The following PIP4K2A variants were observed in gnomAD, a reference collection of about 807,000 sequenced individuals.
The protein encoded by PIP4K2A is phosphatidylinositol-5-phosphate 4-kinase type 2 alpha, also known as phosphatidylinositol 5-phosphate 4-kinase type-2 alpha.
PIP4K2A carries 14 observed loss-of-function variants against 42.9 expected under a neutral mutation model. The observed-to-expected ratio is 0.33, with a 90% CI of 0.22 to 0.51. PIP4K2A has a LOEUF of 0.51. Ranked by LOEUF, PIP4K2A falls within the 20% of genes least tolerant of loss-of-function variation. The pLI, the probability that PIP4K2A is intolerant of heterozygous loss-of-function variation, is 0.97. For missense variants in PIP4K2A, 434 were observed against 519.8 expected (o/e 0.83, Z 1.61); for synonymous variants, 192 against 192.2 (o/e 1.00, Z 0.01).
intron 3 of PIP4K2A, among the ~76,000 whole-genome samples, chr10:22,605,200 T>C (rs1240855434): frequency 7.2e-6 from 1 of 139,844 alleles, no homozygotes; most frequent in Non-Finnish European, 1.5e-5. Context: ...TTTCTTTTTT[T>C]TCTTTTTTTA....
chr10:22,664,132 T>TATAC (rs1564460054), intron 1 of PIP4K2A, among the ~76,000 whole-genome samples: 15 of 54,474 alleles, frequency 2.8e-4, no homozygotes, highest in Non-Finnish European at 5.9e-5. Context: ...TATATATACA[T>TATAC]ATATATATAC....
At chr10:22,708,007 A>G (rs1833851860) in intron 1 of PIP4K2A, among the ~76,000 whole-genome samples, 1 of 152,208 alleles carries the variant, frequency 6.6e-6, no homozygotes, top group South Asian at 2.1e-4. Context: ...AGACACAGGG[A>G]AATAAGCTAG....
chr10:22,638,438 T>C (rs1440924239), intron 1 of PIP4K2A, among the ~76,000 whole-genome samples: 1 of 152,204 alleles, frequency 6.6e-6, no homozygotes, highest in Admixed American at 6.5e-5. Flanking sequence ...CTTCCCAGAA[T>C]TAGTCTTCCT....
At chr10:22,666,338 T>C (rs1479823745) in intron 1 of PIP4K2A, among the ~76,000 whole-genome samples, 1 of 152,186 alleles carries the variant, frequency 6.6e-6, no homozygotes, top group East Asian at 1.9e-4. Context: ...ATGATGGCCA[T>C]CTAAACTCCA....
chr10:22,664,154 C>CATATATATATACATATATAT (rs1839288326), intron 1 of PIP4K2A, among the ~76,000 whole-genome samples: 1 of 62,280 alleles, frequency 1.6e-5, no homozygotes, highest in Non-Finnish European at 2.6e-5. Context: ...TATATATACA[C>CATATATATATACATATATAT]ATATATATAT....
intron 1 of PIP4K2A, among the ~76,000 whole-genome samples, chr10:22,696,204 T>C (rs75708763): frequency 0.014 from 2,112 of 152,310 alleles, 38 homozygotes; most frequent in African/African-American, 0.048. Flanking sequence ...TATGTCAACA[T>C]TGTATTTTAT....
At chr10:22,579,284 G>T (rs1270228905) in intron 4 of PIP4K2A, among the ~76,000 whole-genome samples, 3 of 152,184 alleles carry the variant, frequency 2.0e-5, no homozygotes, top group Admixed American at 2.0e-4. Context: ...CATCACGGGA[G>T]AAACAGAACT....
rs2130816653 is a variant in PIP4K2A at position 22,587,837 on chromosome 10, T to C, written c.492+3792A>G. Among the ~76,000 whole-genome samples the C allele has an allele frequency of 1.3e-5, 2 of 152,370 alleles. 1 individual carries two copies. Among genetic ancestry groups the C allele is most frequent in the East Asian group, 3.9e-4 (2 of 5,192 alleles). On this transcript the variant is annotated intron_variant, in intron 4 of 9. Coordinates refer to ENST00000376573, the MANE Select transcript of PIP4K2A (RefSeq NM_005028.5). ...ACTAAATGTAAACTACACACTGGTG[T>C]GGCCTTTGCTAATTGCTGCGGGTGT...
At chr10:22,704,456 T>C (rs1039571994) in intron 1 of PIP4K2A, among the ~76,000 whole-genome samples, 2 of 151,812 alleles carry the variant, frequency 1.3e-5, no homozygotes, top group East Asian at 1.9e-4. Context: ...TCTATAGAAA[T>C]AGGAGACCTC....
rs571785854 is a variant in PIP4K2A at position 22,642,261 on chromosome 10, C to T, written c.145-32544G>A. ...CTTAGTCTGAATTGGGTTTCTGTCA[C>T]TTACAACCTCAGTCCTATAGCACTT... On this transcript the variant is annotated intron_variant, in intron 1 of 9. Transcript: ENST00000376573. Among the ~76,000 whole-genome samples the T allele has an allele frequency of 4.0e-5, 6 of 151,504 alleles. No individual in the cohort carries two copies. The South Asian group carries it at 8.3e-4, about 21-fold the overall frequency.
intron 1 of PIP4K2A, among the ~76,000 whole-genome samples, chr10:22,667,089 G>T (rs1017632514): frequency 2.6e-5 from 4 of 152,124 alleles, no homozygotes; most frequent in African/African-American, 9.7e-5. Flanking sequence ...ATAATGTGTT[G>T]ACTGGCACAG....
intron 1 of PIP4K2A, among the ~76,000 whole-genome samples, chr10:22,633,630 C>G (rs887720642): frequency 6.6e-6 from 1 of 152,218 alleles, no homozygotes; most frequent in South Asian, 2.1e-4. Context: ...CAAAGGGATC[C>G]GAGACATGGC....
intron 1 of PIP4K2A, among the ~76,000 whole-genome samples, chr10:22,647,406 G>T (rs1838907522): frequency 1.3e-5 from 2 of 152,068 alleles, no homozygotes; most frequent in Admixed American, 1.3e-4. Flanking sequence ...TTTGTGAAAG[G>T]CTTGTGGGAC....
intron 1 of PIP4K2A, among the ~76,000 whole-genome samples, chr10:22,619,549 G>C (rs890139358): frequency 1.3e-5 from 2 of 149,424 alleles, no homozygotes; most frequent in African/African-American, 5.0e-5. Context: ...CAATTCTCCT[G>C]TCTCAGCCTC....
chr10:22,682,960 T>C (rs1399349835), intron 1 of PIP4K2A, among the ~76,000 whole-genome samples: 1 of 152,202 alleles, frequency 6.6e-6, no homozygotes, highest in East Asian at 1.9e-4. Flanking sequence ...TCATCTACCA[T>C]GTCACCTGCT....
chr10:22,647,308 C>CTGTGTG (rs747952978), intron 1 of PIP4K2A, among the ~76,000 whole-genome samples: 2 of 140,230 alleles, frequency 1.4e-5, no homozygotes, highest in Non-Finnish European at 3.3e-5. Flanking sequence ...TCTCTAAATA[C>CTGTGTG]TGTGTGTGTG....
chr10:22,668,925 G>T (rs1459330545), intron 1 of PIP4K2A, among the ~76,000 whole-genome samples: 1 of 152,078 alleles, frequency 6.6e-6, no homozygotes, highest in African/African-American at 2.4e-5. Flanking sequence ...TTCATGTTTT[G>T]TTTCTGTTAG....
At chr10:22,710,895 A>G (rs1309062567) in intron 1 of PIP4K2A, among the ~76,000 whole-genome samples, 2 of 152,226 alleles carry the variant, frequency 1.3e-5, no homozygotes, top group Admixed American at 1.3e-4. Flanking sequence ...AAAGGCTCAC[A>G]TTTCACTGTG....
chr10:22,714,076 G>T, intron 1 of PIP4K2A, 107 bp downstream of exon 1: 2 of 1,197,662 alleles, frequency 1.7e-6, no homozygotes, highest in Non-Finnish European at 2.3e-6. Context: ...GAGGTCCAGG[G>T]CTGACTCCGG....
Sources: allele counts gnomAD v4.1 joint callset (sites outside exome capture counted in the v4.1 genomes callset), GRCh38; gene constraint gnomAD v4.1.1; transcripts MANE v1.5; gene names NCBI Gene and HGNC (gene_info 2026-07-23, HGNC 2026-07-21).